CROCC2: variants seen among roughly 807,000 people sequenced by gnomAD.
CROCC2 encodes the protein ciliary rootlet coiled-coil protein 2.
In CROCC2, 163 loss-of-function variants were observed where a neutral mutation model predicts 177.6. That is an observed-to-expected ratio of 0.92 (90% confidence interval 0.81 to 1.05). CROCC2 has a LOEUF of 1.05. CROCC2 is among the 50% of genes least tolerant of loss of function. CROCC2 has a pLI of 0.00. For synonymous variants in CROCC2, 904 were observed against 787.3 expected, an observed-to-expected ratio of 1.15 and a Z score of -2.48; for missense variants, 1,929 against 1,797.8, an observed-to-expected ratio of 1.07 and a Z score of -1.32.
chr2:240,962,361 C>T (rs192730253), intron 20 of CROCC2, among the ~76,000 whole-genome samples: 15 of 152,222 alleles, frequency 9.9e-5, no homozygotes, highest in East Asian at 5.8e-4. Context: ...ATCTCCTCTG[C>T]GCTGGGAAAT....
intron 14 of CROCC2, among the ~76,000 whole-genome samples, chr2:240,938,435 C>T (rs2059481285): frequency 6.6e-6 from 1 of 152,208 alleles, no homozygotes; most frequent in Non-Finnish European, 1.5e-5. Context: ...CATTCTTTCA[C>T]CAAAACCACA....
chr2:240,954,449 A>G (rs966643265), intron 18 of CROCC2, among the ~76,000 whole-genome samples: 68 of 152,158 alleles, frequency 4.5e-4, no homozygotes, highest in Admixed American at 1.8e-3. Flanking sequence ...GCCTCCTGTT[A>G]CTCTTAGAGA....
rs1250656199 is a variant in CROCC2, at chr2:240,960,084, G to A, written c.3087+640G>A. 2.0e-5 allele frequency among the ~76,000 whole-genome samples: 3 copies of A among 152,254 alleles called. No homozygotes were observed. Among genetic ancestry groups the A allele is most frequent in the Non-Finnish European group, 4.4e-5 (3 of 68,048 alleles). ...GGAAGGGCCTGACTCTGGAGGCACT[G>A]GGGCAGCTGTCGCCTCCCAAAGCCT... On this transcript the variant is annotated intron_variant, in intron 20 of 31. Transcript: ENST00000690015. This position sits in a 1 kb window ranked among gnomAD's most constrained non-coding sequence, Gnocchi z 5.0.
rs1574770064 is a variant in CROCC2, at chr2:240,949,539, T to G, written c.2489T>G (p.Met830Arg). 1 of 1,549,738 alleles carries G rather than the reference T, an allele frequency of 6.5e-7. No individual in the cohort carries two copies. Among genetic ancestry groups the G allele is most frequent in the Non-Finnish European group, 8.7e-7 (1 of 1,146,580 alleles). The change falls in exon 17 of 32, where the codon ATG (methionine) becomes AGG (arginine). Residue 830 changes from methionine to arginine, a missense_variant. By Grantham distance (91) the Met-to-Arg change is moderately conservative. Coordinates refer to ENST00000690015, the MANE Select transcript of CROCC2 (RefSeq NM_001351305.2). The surrounding 1 kb of genome is among the most constrained non-coding windows in gnomAD (Gnocchi z 4.5). ...CTCACCCATCACCCCACAGTGGAAATGGAGCAGCTACAAAGTGACTGGGAG... is the reference window on the plus strand; with the variant it reads ...CTCACCCATCACCCCACAGTGGAAAGGGAGCAGCTACAAAGTGACTGGGAG... ...GLARQALQVE[M>R]EQLQSDWEVQ...
At position 240,956,118 on chromosome 2, in the gene CROCC2, G is replaced by T. The variant is rs577568498; in HGVS notation, c.2943+146G>T. ...TCAGTTTCCCCCAGGTGCCTCCAGG[G>T]CTCCTGGTGGGAGGGGCACTCAATG... On this transcript the variant is annotated intron_variant, in intron 19 of 31. Transcript: ENST00000690015. 1.5e-4 allele frequency: 99 copies of T among 641,772 alleles called. No homozygotes were observed. In the African/African-American group the frequency reaches 1.7e-3, roughly 11 times the overall value. The allele number at this position is 641,772 out of a possible 1,614,324, so 39.8% of individuals were successfully genotyped here. A position where few individuals can be genotyped will look rare whatever the true frequency, so the allele number is the denominator to read the frequency against.
In CROCC2 at chr2:240,975,535, T is replaced by C. The variant is rs145280783; in HGVS notation, c.4401+7273T>C. On this transcript the variant is annotated intron_variant, in intron 27 of 31. Coordinates refer to ENST00000690015, the MANE Select transcript of CROCC2 (RefSeq NM_001351305.2). ...CAATTCCAGAGCCCAAAGGATGGAT[T>C]TGGCGAGTGTTTATGACGTGTCCTG... Among the ~76,000 whole-genome samples, 24 of 152,260 alleles carry C rather than the reference T, an allele frequency of 1.6e-4. No homozygotes were observed. The East Asian group carries it at 4.1e-3, about 26-fold the overall frequency.
chr2:240,934,295 C>A (rs1176017426), intron 11 of CROCC2, 36 bp from the exon 12 acceptor site: 1 of 1,543,438 alleles, frequency 6.5e-7, no homozygotes. Flanking sequence ...ACTGCTCACC[C>A]TGAGCGACCT....
intron 5 of CROCC2, among the ~76,000 whole-genome samples, chr2:240,926,180 G>T (rs1463296695): frequency 6.6e-6 from 1 of 152,248 alleles, no homozygotes; most frequent in Non-Finnish European, 1.5e-5. Flanking sequence ...TGGAGAGGCA[G>T]GTTGTTCTCC....
intron 6 of CROCC2, among the ~76,000 whole-genome samples, chr2:240,930,541 C>A (rs1023342431): frequency 1.3e-5 from 2 of 152,116 alleles, no homozygotes; most frequent in African/African-American, 4.8e-5. Flanking sequence ...GTGAAGAGGA[C>A]ACTGTGGGGT....
At chr2:240,913,610 G>C (rs1312624611) in intron 1 of CROCC2, among the ~76,000 whole-genome samples, 1 of 152,220 alleles carries the variant, frequency 6.6e-6, no homozygotes, top group Non-Finnish European at 1.5e-5. Flanking sequence ...TAGCCGGCCG[G>C]GGTCCTGCCT....
rs1160619832 is a variant in CROCC2, at chr2:240,960,003, G to C, written c.3087+559G>C. 1.3e-5 allele frequency among the ~76,000 whole-genome samples: 2 copies of C among 152,262 alleles called. No individual in the cohort carries two copies. Among genetic ancestry groups the C allele is most frequent in the African/African-American group, 4.8e-5 (2 of 41,478 alleles). ...GGTGGCCAGAGCCACGCAGCCAAAG[G>C]CTCCAGGAGTCCAGCCGGCCCCCTC... On this transcript the variant is annotated intron_variant, in intron 20 of 31. Transcript: ENST00000690015. This position sits in a 1 kb window ranked among gnomAD's most constrained non-coding sequence, Gnocchi z 5.0.
Position 240,972,720 on chromosome 2 carries a change from C to T in CROCC2, c.4401+4458C>T, listed in dbSNP as rs1408037314. 1.3e-5 allele frequency among the ~76,000 whole-genome samples: 2 copies of T among 151,926 alleles called. No homozygotes were observed. Among genetic ancestry groups the T allele is most frequent in the African/African-American group, 4.8e-5 (2 of 41,330 alleles). On this transcript the variant is annotated intron_variant, in intron 27 of 31. Transcript: ENST00000690015. The surrounding 1 kb of genome is among the most constrained non-coding windows in gnomAD (Gnocchi z 7.1). ...ATGGTGTCAACGTTTTCTTACAATT[C>T]TGGCAATTATTATTTCACCCATTTT...
At position 240,918,467 on chromosome 2, in the gene CROCC2, A is replaced by T. The variant is rs759435716; in HGVS notation, c.79-259A>T. 5.9e-5 allele frequency among the ~76,000 whole-genome samples: 9 copies of T among 152,122 alleles called. No individual in the cohort carries two copies. The South Asian group carries it at 1.9e-3, about 32-fold the overall frequency. ...CCCCACCAAGACAGGGCAGAGCCCC[A>T]AGCGCAGTACCTGCTCCTGCTGACC... On this transcript the variant is annotated intron_variant, in intron 1 of 31. Transcript: ENST00000690015. The surrounding 1 kb of genome is among the most constrained non-coding windows in gnomAD (Gnocchi z 6.3).
intron 2 of CROCC2, 92 bp from the exon 3 acceptor site, chr2:240,919,891 C>A (rs1312096435): frequency 2.5e-5 from 13 of 517,506 alleles, no homozygotes; most frequent in South Asian, 2.4e-4. Flanking sequence ...AGCCTGGTGG[C>A]CAGCCCAGGG....
At chr2:240,946,034 G>T in intron 14 of CROCC2, 26 bp from the exon 15 acceptor site, 1 of 1,464,934 alleles carries the variant, frequency 6.8e-7, no homozygotes, top group South Asian at 1.4e-5. Context: ...TTTCTCTGCC[G>T]ACTGTCCCCT....
intron 28 of CROCC2, chr2:240,986,011 C>T (rs1452145346): frequency 2.2e-6 from 1 of 454,080 alleles, no homozygotes; most frequent in African/African-American, 2.0e-5. Flanking sequence ...AAGCTGTCTG[C>T]ACAGTTGGGC....
At chr2:240,920,892 G>C (rs938331881) in intron 3 of CROCC2, among the ~76,000 whole-genome samples, 1 of 152,230 alleles carries the variant, frequency 6.6e-6, no homozygotes, top group Non-Finnish European at 1.5e-5. Flanking sequence ...ACTTGGCAAG[G>C]AGCCAGTGCG....
chr2:240,921,524 G>A (rs1193618080), intron 3 of CROCC2, among the ~76,000 whole-genome samples: 2 of 152,210 alleles, frequency 1.3e-5, no homozygotes, highest in Admixed American at 6.5e-5. Context: ...AAATGCTGCC[G>A]ACAGATTAGT....
intron 31 of CROCC2, among the ~76,000 whole-genome samples, chr2:240,992,006 A>C (rs2059883286): frequency 6.6e-6 from 1 of 152,198 alleles, no homozygotes; most frequent in Admixed American, 6.5e-5. Flanking sequence ...CGCCAGAAGA[A>C]GGGGAGTGTA....
Sources: allele counts gnomAD v4.1 joint callset (sites outside exome capture counted in the v4.1 genomes callset), GRCh38; gene constraint gnomAD v4.1.1; non-coding constraint Gnocchi (gnomAD v3.1); transcripts MANE v1.5; gene names NCBI Gene and HGNC (gene_info 2026-07-23, HGNC 2026-07-21).